HELZ: variants seen among roughly 807,000 people sequenced by gnomAD.
HELZ encodes helicase with zinc finger, also known as ATP-dependent RNA helicase with zinc finger domain.
In HELZ, 23 loss-of-function variants were observed where a neutral mutation model predicts 218.2. That is an observed-to-expected ratio of 0.11 (90% CI 0.08 to 0.15). The LOEUF is 0.15. Among genes scored for constraint, HELZ ranks in the 10% least tolerant of loss-of-function variants. The probability of loss-of-function intolerance (pLI) is 1.00; values close to 1 mark genes in which losing one functional copy is unlikely to be tolerated. For synonymous variants in HELZ, 814 were observed against 829.4 expected (o/e 0.98, Z 0.32); for missense variants, 1,813 against 2,353.7 (o/e 0.77, Z 4.75).
intron 26 of HELZ, 143 bp from the exon 27 acceptor site, chr17:67,120,755 A>G (rs117912482): frequency 1.9e-5 from 12 of 634,750 alleles, no homozygotes; most frequent in Non-Finnish European, 3.3e-5. Context: ...AAAATAAATA[A>G]CTACAAAGTT....
chr17:67,135,427 T>G (rs1386662237), intron 23 of HELZ, among the ~76,000 whole-genome samples: 1 of 152,214 alleles, frequency 6.6e-6, no homozygotes, highest in Non-Finnish European at 1.5e-5. Flanking sequence ...TGCTTCTTCC[T>G]GGAGCACTTT....
intron 18 of HELZ, among the ~76,000 whole-genome samples, chr17:67,150,797 G>A (rs1036849730): frequency 1.3e-5 from 2 of 152,162 alleles, no homozygotes; most frequent in African/African-American, 2.4e-5. Flanking sequence ...CTTCAGTAAA[G>A]AGCCAAACAG....
intron 13 of HELZ, among the ~76,000 whole-genome samples, chr17:67,168,779 C>A (rs2039224640): frequency 6.6e-6 from 1 of 152,068 alleles, no homozygotes. Context: ...CACAGAGAAT[C>A]AAGATTAATT....
At chr17:67,208,949 A>AG (rs1480133131) in intron 5 of HELZ, among the ~76,000 whole-genome samples, 2 of 150,754 alleles carry the variant, frequency 1.3e-5, no homozygotes, top group Non-Finnish European at 3.0e-5. Flanking sequence ...TCAAAAAAAA[A>AG]GAAAAGAAAA....
intron 17 of HELZ, among the ~76,000 whole-genome samples, chr17:67,158,426 A>C (rs1314787946): frequency 6.6e-6 from 1 of 152,234 alleles, no homozygotes; most frequent in Non-Finnish European, 1.5e-5. Flanking sequence ...AAAAATTATA[A>C]ATTAATGAGT....
intron 5 of HELZ, among the ~76,000 whole-genome samples, chr17:67,214,267 T>G (rs1456541650): frequency 1.6e-5 from 2 of 124,714 alleles, no homozygotes; most frequent in Admixed American, 7.9e-5. Context: ...TTCTTTTTTT[T>G]TTTTTTTTTT....
chr17:67,128,622 C>T (rs766069676), intron 24 of HELZ, 29 bp downstream of exon 24: 1 of 1,595,562 alleles, frequency 6.3e-7, no homozygotes. Context: ...TCCCTTTAAC[C>T]TCTTCAATTT....
intron 16 of HELZ, 80 bp downstream of exon 16, chr17:67,160,817 T>G (rs1323392288): frequency 9.5e-7 from 1 of 1,048,150 alleles, no homozygotes; most frequent in Non-Finnish European, 1.4e-6. Flanking sequence ...ACTGTCTTGC[T>G]AGCCCTCATT....
intron 29 of HELZ, 71 bp downstream of exon 29, chr17:67,109,045 A>C: frequency 8.0e-7 from 1 of 1,255,510 alleles, no homozygotes; most frequent in Non-Finnish European, 1.1e-6. Flanking sequence ...CTTAACCCAA[A>C]ATGATATTAT....
intron 31 of HELZ, among the ~76,000 whole-genome samples, chr17:67,095,463 G>A (rs73340986): frequency 3.1e-3 from 474 of 152,270 alleles, no homozygotes; most frequent in African/African-American, 0.011. Context: ...TGGGAGGATT[G>A]CCAGGGTCCA....
rs1420380634 is a variant in HELZ at position 67,190,287 on chromosome 17, G to C, written c.626C>G (p.Ala209Gly). Residue 209 changes from alanine (A) to glycine (G), a missense_variant, in exon 10 of 33, where the codon GCA becomes GGA. Ala to Gly is a moderately conservative substitution (Grantham distance 60). Around this residue, in one of 4 missense-constraint regions of HELZ, gnomAD observed 714 missense variants for 1,029.2 expected, o/e 0.69. Coordinates refer to ENST00000358691, the MANE Select transcript of HELZ (RefSeq NM_014877.4). ...TGAAGCATATCTTTTCTGCCATTCTGCTAGTTCTTCCTGGGAATGTGCTGA... is the reference window on the plus strand; with the variant it reads ...TGAAGCATATCTTTTCTGCCATTCTCCTAGTTCTTCCTGGGAATGTGCTGA... ...CTSAHSQEEL[A>G]EWQKRYASRL... The C allele has an allele frequency of 6.2e-7, 1 of 1,613,756 alleles. No individual in the cohort carries two copies. The highest frequency in any genetic ancestry group is 8.5e-7 in the Non-Finnish European group (1 of 1,179,808).
Position 67,193,992 on chromosome 17 carries a change from T to C in HELZ, c.532A>G (p.Ser178Gly). 6.2e-7 allele frequency: 1 copy of C among 1,613,774 alleles called. No individual in the cohort carries two copies. Among genetic ancestry groups the C allele is most frequent in the South Asian group, 1.1e-5 (1 of 91,036 alleles). Residue 178 changes from serine (S) to glycine (G), a missense_variant, in exon 9 of 33, where the codon AGC becomes GGC. By Grantham distance (56) the Ser-to-Gly change is moderately conservative (BLOSUM62 0). Transcript: ENST00000358691. ...FRPPPRGITS[S>G]EEYTLCKRFL... ...CTTTTACACAAAGTATATTCCTCGCTGCTTGTGATTCCCCTAGGTGGTGGG... is the reference window on the plus strand; with the variant it reads ...CTTTTACACAAAGTATATTCCTCGCCGCTTGTGATTCCCCTAGGTGGTGGG...
chr17:67,170,566 C>G (rs1001803455), intron 13 of HELZ, among the ~76,000 whole-genome samples: 1 of 152,004 alleles, frequency 6.6e-6, no homozygotes, highest in Admixed American at 6.6e-5. Flanking sequence ...GGGGCTCACA[C>G]CTGTAATCCC....
rs7213914 is a variant in HELZ, at chr17:67,073,193, T to C, written c.*5059A>G. ...AAAAAGTATTAATGAAAACACTTCA[T>C]AAAATCAAAAATTTCTTAAAAGGTA... is the stretch of plus-strand genomic sequence containing the variant. On this transcript the variant is annotated 3_prime_UTR_variant, in exon 33 of 33. Coordinates refer to ENST00000358691, the MANE Select transcript of HELZ (RefSeq NM_014877.4). 55,013 of 152,046 alleles carry C rather than the reference T, an allele frequency of 0.36. 10,516 individuals are homozygous for C. The highest frequency in any genetic ancestry group is 0.68 in the East Asian group (3,512 of 5,128). The allele number at this position is 152,046 out of a possible 1,614,324, so 9.4% of individuals were successfully genotyped here. A position where few individuals can be genotyped will look rare whatever the true frequency, so the allele number is the denominator to read the frequency against.
At chr17:67,113,181 AG>A (rs2037331111) in intron 28 of HELZ, among the ~76,000 whole-genome samples, 1 of 152,214 alleles carries the variant, frequency 6.6e-6, no homozygotes, top group South Asian at 2.1e-4. Context: ...ATAGGCTGAC[AG>A]GGAAGAACGA....
intron 5 of HELZ, among the ~76,000 whole-genome samples, chr17:67,205,661 T>C (rs948929831): frequency 2.0e-5 from 3 of 152,162 alleles, no homozygotes; most frequent in African/African-American, 7.2e-5. Flanking sequence ...TCTAAGAGTA[T>C]TTCAACTTCA....
rs777480116 is a variant in HELZ at position 67,188,370 on chromosome 17, A to G, written c.1111T>C (p.Leu371=). ...ACTCTTTGCATGAGTACTGGTTCCA[A>G]TCCAAAGTCGAAAACTATGGTTTGG... ...FRQTIVFDFG[L]EPVLMQRVMI... is the part of the protein sequence containing the mutation. The change falls in exon 12 of 33, where the codon TTG becomes CTG. Residue 371 remains leucine, a synonymous_variant. Coordinates refer to ENST00000358691, the MANE Select transcript of HELZ (RefSeq NM_014877.4). The surrounding 1 kb of genome is among the most constrained non-coding windows in gnomAD (Gnocchi z 4.1). 1.9e-6 allele frequency: 3 copies of G among 1,613,818 alleles called. No individual in the cohort carries two copies. In the East Asian group the frequency reaches 6.7e-5, roughly 36 times the overall value.
intron 3 of HELZ, among the ~76,000 whole-genome samples, chr17:67,227,729 A>G (rs970083283): frequency 6.6e-6 from 1 of 152,240 alleles, no homozygotes; most frequent in Non-Finnish European, 1.5e-5. Flanking sequence ...ATGCTGGAAG[A>G]AAAACAAAAT....
At chr17:67,080,920 A>G (rs933520155) in intron 32 of HELZ, among the ~76,000 whole-genome samples, 1 of 152,226 alleles carries the variant, frequency 6.6e-6, no homozygotes, top group African/African-American at 2.4e-5. Flanking sequence ...TTTTAGGTAC[A>G]GAAACCCCAC....
Sources: allele counts gnomAD v4.1 joint callset (sites outside exome capture counted in the v4.1 genomes callset), GRCh38; gene constraint gnomAD v4.1.1; regional missense constraint gnomAD v4.1.1; non-coding constraint Gnocchi (gnomAD v3.1); transcripts MANE v1.5; gene names NCBI Gene and HGNC (gene_info 2026-07-23, HGNC 2026-07-21).